GPC1: variants seen among roughly 807,000 people sequenced by gnomAD.
GPC1 encodes the protein glypican 1, also known as glypican-1.
A neutral mutation model predicts 51.5 loss-of-function variants in GPC1; 26 were observed. That is an observed-to-expected ratio of 0.50 (90% CI 0.37 to 0.70). The LOEUF (loss-of-function observed/expected upper bound fraction) is 0.70. Ranked by LOEUF, GPC1 falls within the 30% of genes least tolerant of loss-of-function variation. GPC1 has a pLI of 0.00. For synonymous variants in GPC1, 380 were observed against 348.3 expected, an observed-to-expected ratio of 1.09 and a Z score of -1.01; for missense variants, 775 against 800.5, an observed-to-expected ratio of 0.97 and a Z score of 0.38.
Position 240,459,076 on chromosome 2 carries a change from C to G in GPC1, c.213C>G (p.Ser71Arg). The change falls in exon 2 of 9, where the codon AGC becomes AGG. Residue 71 changes from serine (S) to arginine (R), a missense_variant. Transcript: ENST00000264039. ...CCCAGGGCTACACCTGCTGCACCAG[C>G]GAGATGGAGGAGAACCTGGCCAACC... ...ICPQGYTCCT[S>R]EMEENLANRS... 6.2e-7 allele frequency: 1 copy of G among 1,612,870 alleles called. No individual in the cohort carries two copies. The highest frequency in any genetic ancestry group is 1.3e-5 in the African/African-American group (1 of 75,058).
chr2:240,455,847 C>G (rs941862894), intron 1 of GPC1, among the ~76,000 whole-genome samples: 1 of 152,192 alleles, frequency 6.6e-6, no homozygotes, highest in African/African-American at 2.4e-5. Flanking sequence ...TGCGCCGGGC[C>G]GGAGCTCCGC....
chr2:240,457,406 T>C (rs1321034751), intron 1 of GPC1: 1 of 468,940 alleles, frequency 2.1e-6, no homozygotes, highest in Non-Finnish European at 4.4e-6. Flanking sequence ...CCTCCCTGAG[T>C]GTGTGTACTT....
intron 2 of GPC1, among the ~76,000 whole-genome samples, chr2:240,461,488 G>C (rs889293466): frequency 6.6e-6 from 1 of 152,118 alleles, no homozygotes; most frequent in Non-Finnish European, 1.5e-5. Flanking sequence ...GGGTACGGGG[G>C]CTTTTCCCTA....
In GPC1 at chr2:240,452,957, G is replaced by A. The variant is rs549970715; in HGVS notation, c.167-6073G>A. 232 of 327,744 alleles carry A rather than the reference G, an allele frequency of 7.1e-4. 2 individuals carry two copies. The Middle Eastern group carries it at 7.8e-3, about 11-fold the overall frequency. 20.3% of individuals were successfully genotyped at this position (327,744 alleles called of 1,614,324 possible). On this transcript the variant is annotated intron_variant, in intron 1 of 8. Transcript: ENST00000264039. Reference sequence around the variant, plus strand: ...CGGCCCCGCTCCGCCGCCTTTCCCCGGCCCGAGCACCTGCACCCAGAGCCC... The same window carrying A: ...CGGCCCCGCTCCGCCGCCTTTCCCCAGCCCGAGCACCTGCACCCAGAGCCC...
chr2:240,455,264 C>T (rs1008294208), intron 1 of GPC1, among the ~76,000 whole-genome samples: 1 of 152,202 alleles, frequency 6.6e-6, no homozygotes, highest in African/African-American at 2.4e-5. Context: ...ATCCTCAGAG[C>T]ACTGGGGAAG....
At position 240,463,526 on chromosome 2, in the gene GPC1, C is replaced by T. The variant is rs376837548; in HGVS notation, c.883+14C>T. On this transcript the variant is annotated intron_variant, in intron 4 of 8. Transcript: ENST00000264039. ...GGAACCTCCTGGGTGAGCCCCCACCCGCGAGAGCGGCCTGGAACTGTCTTG... is the reference window on the plus strand; with the variant it reads ...GGAACCTCCTGGGTGAGCCCCCACCTGCGAGAGCGGCCTGGAACTGTCTTG... The T allele has an allele frequency of 9.4e-5, 151 of 1,611,232 alleles. No homozygotes were observed. The highest frequency in any genetic ancestry group is 1.1e-4 in the Non-Finnish European group (130 of 1,178,870).
chr2:240,465,341 G>C (rs10188712), intron 7 of GPC1, 131 bp downstream of exon 7: 13 of 1,332,508 alleles, frequency 9.8e-6, no homozygotes, highest in Admixed American at 2.2e-5. Flanking sequence ...TCTGCGGCCT[G>C]TGTGGGCTCT....
rs765665823 is a variant in GPC1 at position 240,438,073 on chromosome 2, GT to G, written c.166+1990del. Among the ~76,000 whole-genome samples, 21 of 152,308 alleles carry G rather than the reference GT, an allele frequency of 1.4e-4. No homozygotes were observed. The South Asian group carries it at 1.4e-3, about 11-fold the overall frequency. On this transcript the variant is annotated intron_variant, in intron 1 of 8. Coordinates refer to ENST00000264039, the MANE Select transcript of GPC1 (RefSeq NM_002081.3). ...TGTGTCTGATGGGGCAGGGGATGCT[GT>G]CCACCCCGCGTGGGGAGTACGAACG... is the stretch of plus-strand genomic sequence containing the variant.
intron 5 of GPC1, 36 bp from the exon 6 acceptor site, chr2:240,464,820 C>T (rs13001121): frequency 0.058 from 90,384 of 1,563,320 alleles, 2,852 homozygotes; most frequent in South Asian, 0.085. Flanking sequence ...TTGAGGGGCC[C>T]CACTACCCCC....
At position 240,450,337 on chromosome 2, in the gene GPC1, C is replaced by T. The variant is rs1340765184; in HGVS notation, c.167-8693C>T. 53 of 339,540 alleles carry T rather than the reference C, an allele frequency of 1.6e-4. No homozygotes were observed. In the Admixed American group the frequency reaches 2.2e-3, roughly 14 times the overall value. The allele number at this position is 339,540 out of a possible 1,614,324, so 21.0% of individuals were successfully genotyped here. On this transcript the variant is annotated intron_variant, in intron 1 of 8. Coordinates refer to ENST00000264039, the MANE Select transcript of GPC1 (RefSeq NM_002081.3). Reference sequence around the variant, plus strand: ...CTCCTGCTTCAGCCTTTGCCTGCAGCTCAGGAATTCCCCTGGGATTGGAGT... The same window carrying T: ...CTCCTGCTTCAGCCTTTGCCTGCAGTTCAGGAATTCCCCTGGGATTGGAGT...
At chr2:240,465,786 C>T in intron 8 of GPC1, 138 bp downstream of exon 8, 1 of 752,260 alleles carries the variant, frequency 1.3e-6, no homozygotes. Context: ...GGACGCTGTG[C>T]TGCCCAGGCA....
At chr2:240,440,207 C>T (rs2074009146) in intron 1 of GPC1, among the ~76,000 whole-genome samples, 2 of 152,226 alleles carry the variant, frequency 1.3e-5, no homozygotes, top group Non-Finnish European at 2.9e-5. Context: ...TAATGGCATC[C>T]GGTACCCTAA....
At chr2:240,458,487 C>T (rs554002194) in intron 1 of GPC1, 1 of 186,718 alleles carries the variant, frequency 5.4e-6, no homozygotes, top group African/African-American at 2.3e-5. Flanking sequence ...CCAGAGCACA[C>T]CTGCCCCCAT....
intron 4 of GPC1, chr2:240,463,715 G>A: frequency 1.7e-6 from 1 of 578,532 alleles, no homozygotes; most frequent in Non-Finnish European, 3.1e-6. Context: ...TGTGACTTGG[G>A]GCAGCTGCCA....
intron 1 of GPC1, chr2:240,457,472 A>G (rs1488139556): frequency 4.3e-6 from 2 of 470,266 alleles, no homozygotes; most frequent in Non-Finnish European, 8.8e-6. Context: ...ACCTCTGGGT[A>G]GTTACCTAGT....
At chr2:240,449,865 G>C (rs528270634) in intron 1 of GPC1, 4 of 470,592 alleles carry the variant, frequency 8.5e-6, no homozygotes, top group East Asian at 6.9e-5. Context: ...CTCCACGCCG[G>C]AGCATGTGTC....
intron 1 of GPC1, among the ~76,000 whole-genome samples, chr2:240,442,078 C>T (rs59746067): frequency 0.11 from 16,386 of 152,234 alleles, 1,298 homozygotes; most frequent in African/African-American, 0.21. Context: ...CTCCATCTCC[C>T]GCCAGCTCCT....
At chr2:240,437,411 A>G (rs375903482) in intron 1 of GPC1, among the ~76,000 whole-genome samples, 141 of 151,788 alleles carry the variant, frequency 9.3e-4, no homozygotes, top group African/African-American at 2.6e-3. Context: ...CAGAAGGAAC[A>G]GAACCCGCAG....
chr2:240,464,881 A>T lies in GPC1; in HGVS notation c.1040A>T (p.Lys347Met), dbSNP rs2074247694. The T allele has an allele frequency of 1.3e-6, 2 of 1,554,840 alleles. No homozygotes were observed. Among genetic ancestry groups the T allele is most frequent in the Non-Finnish European group, 8.7e-7 (1 of 1,149,024 alleles). Residue 347 changes from lysine to methionine, a missense_variant, in exon 6 of 9, where the codon AAG becomes ATG. Transcript: ENST00000264039. ...GTCATCCAGGGCTGCGGGAACCCCA[A>T]GGTCAACCCCCAGGGCCCCGGGCCT... ...AKVIQGCGNP[K>M]VNPQGPGPEE...
Sources: allele counts gnomAD v4.1 joint callset (sites outside exome capture counted in the v4.1 genomes callset), GRCh38; gene constraint gnomAD v4.1.1; transcripts MANE v1.5; gene names NCBI Gene and HGNC (gene_info 2026-07-23, HGNC 2026-07-21).